The following LRP2 variants were observed in gnomAD, a reference collection of about 807,000 sequenced individuals.
LRP2 encodes low-density lipoprotein receptor-related protein 2.
LRP2 carries 172 observed loss-of-function variants against 531.0 expected under a neutral mutation model. The observed-to-expected ratio is 0.32, with a 90% confidence interval of 0.29 to 0.37. The LOEUF (loss-of-function observed/expected upper bound fraction) is 0.37, where lower values mean the gene tolerates loss of function less well. Among genes scored for constraint, LRP2 ranks in the 10% least tolerant of loss-of-function variants. The pLI is 1.00. For missense variants in LRP2, 5,167 were observed against 5,868.3 expected (o/e 0.88, Z 3.90); for synonymous variants, 1,992 against 2,027.6 (o/e 0.98, Z 0.47).
At chr2:169,245,309 C>T (rs1173675365) in intron 21 of LRP2, among the ~76,000 whole-genome samples, 1 of 152,208 alleles carries the variant, frequency 6.6e-6, no homozygotes, top group Non-Finnish European at 1.5e-5. Flanking sequence ...TCATCCTTAA[C>T]TTTCAAGCTG....
At chr2:169,246,658 T>C (rs1240567263) in intron 21 of LRP2, 47 bp downstream of exon 21, 2 of 1,603,950 alleles carry the variant, frequency 1.2e-6, no homozygotes, top group Non-Finnish European at 1.7e-6. Context: ...AAAGCCCACC[T>C]CTACTCTATT....
At chr2:169,128,988 G>T in intron 78 of LRP2, 25 bp downstream of exon 78, 2 of 1,578,816 alleles carry the variant, frequency 1.3e-6, no homozygotes, top group Non-Finnish European at 1.7e-6. Context: ...AAATGTCTGT[G>T]CTAAGAAAAA....
At chr2:169,157,288 T>A (rs1052299191) in intron 64 of LRP2, 83 bp downstream of exon 64, 1 of 1,339,512 alleles carries the variant, frequency 7.5e-7, no homozygotes, top group Non-Finnish European at 1.1e-6. Context: ...AATTAAATAG[T>A]GATTTATTTA....
At chr2:169,224,217 G>C (rs917921430) in intron 33 of LRP2, among the ~76,000 whole-genome samples, 5 of 152,206 alleles carry the variant, frequency 3.3e-5, no homozygotes, top group African/African-American at 1.2e-4. Flanking sequence ...TTGCCAGCTG[G>C]TGCCCACCTA....
chr2:169,160,056 T>C (rs965138303), intron 63 of LRP2, among the ~76,000 whole-genome samples: 3 of 152,192 alleles, frequency 2.0e-5, no homozygotes, highest in Admixed American at 6.6e-5. Flanking sequence ...CCCAAACATA[T>C]GGCACTCTAT....
chr2:169,342,903 T>C (rs1685603688), intron 1 of LRP2, among the ~76,000 whole-genome samples: 1 of 152,242 alleles, frequency 6.6e-6, no homozygotes, highest in African/African-American at 2.4e-5. Flanking sequence ...CTGACCTTTC[T>C]GTAGTTTCAT....
Position 169,139,624 on chromosome 2 carries a change from G to T in LRP2, c.13200-14C>A. 1 of 1,613,412 alleles carries T rather than the reference G, an allele frequency of 6.2e-7. No individual in the cohort carries two copies. The highest frequency in any genetic ancestry group is 8.5e-7 in the Non-Finnish European group (1 of 1,179,306). ...CCGCTAGGACACCTGAAAGGAAAAA[G>T]CAAATCATTCACTAGCTGTTATGTT... On this transcript the variant is annotated splice_polypyrimidine_tract_variant and intron_variant, in intron 72 of 78. Transcript: ENST00000649046.
At chr2:169,192,977 A>G (rs1448371850) in intron 47 of LRP2, among the ~76,000 whole-genome samples, 1 of 152,204 alleles carries the variant, frequency 6.6e-6, no homozygotes, top group Admixed American at 6.5e-5. Flanking sequence ...CGATTAGATT[A>G]ATTCTTGAAC....
At chr2:169,307,478 G>T in intron 3 of LRP2, 81 bp from the exon 4 acceptor site, 1 of 890,134 alleles carries the variant, frequency 1.1e-6, no homozygotes, top group Non-Finnish European at 1.8e-6. Context: ...AAGGATATTG[G>T]AAAGCATAAA....
At chr2:169,312,837 C>A (rs1242976242) in intron 3 of LRP2, among the ~76,000 whole-genome samples, 1 of 152,188 alleles carries the variant, frequency 6.6e-6, no homozygotes, top group Non-Finnish European at 1.5e-5. Context: ...CTTTCAGGTA[C>A]AACAATCAGA....
rs1193983207 is a variant in LRP2, at chr2:169,205,637, C to A, written c.7557G>T (p.Gly2519=). 4 of 1,613,086 alleles carry A rather than the reference C, an allele frequency of 2.5e-6. No homozygotes were observed. Among genetic ancestry groups the A allele is most frequent in the South Asian group, 2.2e-5 (2 of 91,060 alleles). The change falls in exon 41 of 79, where the codon GGG becomes GGT. Residue 2519 remains glycine (G), a splice_region_variant and synonymous_variant. Coordinates refer to ENST00000649046, the MANE Select transcript of LRP2 (RefSeq NM_004525.3). ...PRAIVLDPCQ[G]YLYWADWDTH... ...TATCCCAGTCAGCCCAGTACAGGTA[C>A]CTAGTCATACAAAAGGAGTCAATAA...
At chr2:169,275,906 C>T (rs752507360) in intron 13 of LRP2, among the ~76,000 whole-genome samples, 11 of 152,010 alleles carry the variant, frequency 7.2e-5, no homozygotes, top group East Asian at 3.9e-4. Flanking sequence ...AAATCAACAA[C>T]GCCCCCCGTG....
chr2:169,218,286 T>A (rs560669052), intron 34 of LRP2, among the ~76,000 whole-genome samples: 1 of 152,306 alleles, frequency 6.6e-6, no homozygotes, highest in South Asian at 2.1e-4. Context: ...CCCTTTGCTC[T>A]TGACCTTCCA....
At chr2:169,275,353 T>C (rs1162045267) in intron 13 of LRP2, 115 bp from the exon 14 acceptor site, 10 of 782,476 alleles carry the variant, frequency 1.3e-5, no homozygotes, top group Admixed American at 2.0e-5. Context: ...TTGTCACAAA[T>C]ACGGAATAGA....
At chr2:169,291,284 T>A (rs556559759) in intron 7 of LRP2, among the ~76,000 whole-genome samples, 1 of 152,194 alleles carries the variant, frequency 6.6e-6, no homozygotes, top group African/African-American at 2.4e-5. Flanking sequence ...ACTAAATTCA[T>A]GATCCCCTAA....
intron 62 of LRP2, 48 bp from the exon 63 acceptor site, chr2:169,162,648 C>A: frequency 6.3e-7 from 1 of 1,580,698 alleles, no homozygotes; most frequent in Non-Finnish European, 8.7e-7. Flanking sequence ...TTTTATGAAG[C>A]AAGATACTTC....
intron 11 of LRP2, 70 bp downstream of exon 11, chr2:169,280,280 C>G: frequency 6.4e-7 from 1 of 1,560,864 alleles, no homozygotes; most frequent in Non-Finnish European, 8.8e-7. Flanking sequence ...CCCTCTACTC[C>G]CTCTAAAAGT....
Position 169,140,486 on chromosome 2 carries a change from A to G in LRP2, c.13168T>C (p.Tyr4390His), listed in dbSNP as rs754140866. The change falls in exon 72 of 79, where the codon TAT (tyrosine) becomes CAT (histidine). Residue 4390 changes from tyrosine to histidine, a missense_variant. Tyr to His is a moderately conservative substitution (Grantham distance 83). Around this residue, in one of 6 missense-constraint regions of LRP2, gnomAD observed 348 missense variants for 369.3 expected, o/e 0.94. Transcript: ENST00000649046. ...TTGGGGAGGTCAGTCTCATCAAAAT[A>G]GCAATTTCCTCCGTGCATGCACCTG... Reference protein sequence around the residue: ...PCRCMHGGNCYFDETDLPKCK... With the variant: ...PCRCMHGGNCHFDETDLPKCK... 1 of 1,614,178 alleles carries G rather than the reference A, an allele frequency of 6.2e-7. No individual in the cohort carries two copies. The highest frequency in any genetic ancestry group is 8.5e-7 in the Non-Finnish European group (1 of 1,180,000).
At chr2:169,324,157 A>T (rs1348319291) in intron 1 of LRP2, among the ~76,000 whole-genome samples, 2 of 152,234 alleles carry the variant, frequency 1.3e-5, no homozygotes, top group South Asian at 4.1e-4. Flanking sequence ...TGTTATTATG[A>T]ATATTTTACA....
Sources: allele counts gnomAD v4.1 joint callset (sites outside exome capture counted in the v4.1 genomes callset), GRCh38; gene constraint gnomAD v4.1.1; regional missense constraint gnomAD v4.1.1; transcripts MANE v1.5; gene names NCBI Gene and HGNC (gene_info 2026-07-23, HGNC 2026-07-21).